The following ROBO1 variants were observed in gnomAD, a reference collection of about 807,000 sequenced individuals.
The protein encoded by ROBO1 is roundabout homolog 1.
In ROBO1, 149 loss-of-function variants were observed where a neutral mutation model predicts 195.9. The ratio of observed to expected loss-of-function variants is 0.76; its 90% CI spans 0.67 to 0.87. The LOEUF is 0.87. ROBO1 is among the 40% of genes least tolerant of loss of function. The pLI is 0.00. For missense variants in ROBO1, 1,933 were observed against 2,068.3 expected (o/e 0.93, Z 1.27); for synonymous variants, 816 against 733.2 (o/e 1.11, Z -1.82).
At chr3:79,467,683 A>G (rs751084562) in intron 2 of ROBO1, among the ~76,000 whole-genome samples, 3 of 152,024 alleles carry the variant, frequency 2.0e-5, no homozygotes, top group East Asian at 2.0e-4. Context: ...CACATTTACC[A>G]TCCTTCCATT....
intron 2 of ROBO1, among the ~76,000 whole-genome samples, chr3:79,369,301 C>T (rs2036100007): frequency 1.3e-5 from 2 of 152,138 alleles, no homozygotes. Flanking sequence ...TAAATCCCTC[C>T]TGTGGAAAAA....
At chr3:79,679,930 A>T (rs143515847) in intron 1 of ROBO1, among the ~76,000 whole-genome samples, 26 of 152,168 alleles carry the variant, frequency 1.7e-4, no homozygotes, top group African/African-American at 5.5e-4. Flanking sequence ...ATGACATGGG[A>T]TCTGAAGCAC....
chr3:78,625,889 T>C (rs3773205), intron 26 of ROBO1, among the ~76,000 whole-genome samples: 5,963 of 151,774 alleles, frequency 0.039, 126 homozygotes, highest in South Asian at 0.054. Context: ...GGAGAGAGCA[T>C]GGAGCCAGAA....
At chr3:78,972,872 G>C (rs1235950946) in intron 3 of ROBO1, among the ~76,000 whole-genome samples, 1 of 152,096 alleles carries the variant, frequency 6.6e-6, no homozygotes, top group Non-Finnish European at 1.5e-5. Flanking sequence ...ATCCTTCCTG[G>C]GATTTTCCTA....
rs71127370 is a variant in ROBO1 at position 78,963,090 on chromosome 3, GAT to G, written c.173-24165_173-24164del. 3.7e-3 allele frequency among the ~76,000 whole-genome samples: 535 copies of G among 145,144 alleles called. 4 individuals are homozygous for G. The highest frequency in any genetic ancestry group is 6.1e-3 in the African/African-American group (245 of 39,868). ...ATTGGATACATGTGATCTCATACTT[GAT>G]ATATATATATATATATATTACCTTG... is the stretch of plus-strand genomic sequence containing the variant. On this transcript the variant is annotated intron_variant, in intron 3 of 30. Coordinates refer to ENST00000464233, the MANE Select transcript of ROBO1 (RefSeq NM_002941.4).
At chr3:78,884,541 A>AAAAGAAAGAAAG (rs755335627) in intron 4 of ROBO1, among the ~76,000 whole-genome samples, 1 of 151,408 alleles carries the variant, frequency 6.6e-6, no homozygotes, top group African/African-American at 2.4e-5. Context: ...TGCCCCTCAA[A>AAAAGAAAGAAAG]AAAGAAAGAA....
At chr3:79,022,341 A>G (rs1387229706) in intron 3 of ROBO1, among the ~76,000 whole-genome samples, 1 of 152,184 alleles carries the variant, frequency 6.6e-6, no homozygotes, top group Admixed American at 6.5e-5. Flanking sequence ...TAGAACTCCT[A>G]CTATGGGAAG....
At chr3:78,735,002 A>C (rs2082362503) in intron 5 of ROBO1, among the ~76,000 whole-genome samples, 1 of 152,330 alleles carries the variant, frequency 6.6e-6, no homozygotes, top group South Asian at 2.1e-4. Flanking sequence ...ATTATACATT[A>C]TAAAGCCCAT....
At chr3:78,767,932 T>C (rs1213754251) in intron 4 of ROBO1, among the ~76,000 whole-genome samples, 1 of 152,194 alleles carries the variant, frequency 6.6e-6, no homozygotes, top group Non-Finnish European at 1.5e-5. Context: ...TTAGTTCTGC[T>C]ATAATCTTGG....
chr3:79,277,650 G>C (rs1425156218), intron 2 of ROBO1, among the ~76,000 whole-genome samples: 3 of 151,836 alleles, frequency 2.0e-5, no homozygotes, highest in Non-Finnish European at 4.4e-5. Flanking sequence ...ACAAAGAAAG[G>C]AAAATGCTTG....
chr3:79,043,415 T>C (rs1394076941), intron 3 of ROBO1, among the ~76,000 whole-genome samples: 1 of 152,072 alleles, frequency 6.6e-6, no homozygotes, highest in Non-Finnish European at 1.5e-5. Context: ...TCCATCTGTT[T>C]ATTGAAACAA....
chr3:79,306,338 A>G (rs2033216450), intron 2 of ROBO1, among the ~76,000 whole-genome samples: 2 of 152,220 alleles, frequency 1.3e-5, no homozygotes, highest in African/African-American at 4.8e-5. Context: ...TTAGATTTCA[A>G]TCTCCAAGAA....
chr3:78,922,318 T>C (rs1031521322), intron 4 of ROBO1, among the ~76,000 whole-genome samples: 6 of 151,940 alleles, frequency 3.9e-5, no homozygotes, highest in Admixed American at 3.9e-4. Flanking sequence ...ACAGGCTTCA[T>C]TTCTGCCAAA....
chr3:79,595,688 A>G (rs1250784663), intron 1 of ROBO1, among the ~76,000 whole-genome samples: 2 of 150,462 alleles, frequency 1.3e-5, no homozygotes, highest in East Asian at 2.0e-4. Flanking sequence ...ACAGGTGTGC[A>G]CCACCACACT....
At chr3:79,356,803 T>A (rs2035571256) in intron 2 of ROBO1, among the ~76,000 whole-genome samples, 1 of 152,196 alleles carries the variant, frequency 6.6e-6, no homozygotes, top group South Asian at 2.1e-4. Context: ...TGAAAGACAT[T>A]CGCAGGGCAT....
chr3:78,656,994 C>A (rs879208794), intron 18 of ROBO1, 104 bp downstream of exon 18: 1 of 1,061,060 alleles, frequency 9.4e-7, no homozygotes, highest in Non-Finnish European at 1.3e-6. Context: ...ATTCCATATT[C>A]TATTAAATTA....
intron 2 of ROBO1, among the ~76,000 whole-genome samples, chr3:79,536,434 T>C (rs1941866268): frequency 6.6e-6 from 1 of 151,994 alleles, no homozygotes; most frequent in Admixed American, 6.6e-5. Flanking sequence ...GTCAATAGAT[T>C]GATAATTTCT....
intron 2 of ROBO1, among the ~76,000 whole-genome samples, chr3:79,384,468 G>A (rs908534987): frequency 6.6e-6 from 1 of 151,784 alleles, no homozygotes; most frequent in Non-Finnish European, 1.5e-5. Context: ...ATGGATTAAA[G>A]AATAACTATA....
chr3:79,603,938 G>T (rs933104699), intron 1 of ROBO1, among the ~76,000 whole-genome samples: 1 of 151,972 alleles, frequency 6.6e-6, no homozygotes, highest in Non-Finnish European at 1.5e-5. Flanking sequence ...GTTACCAAAG[G>T]ATGATCAGAA....
Sources: allele counts gnomAD v4.1 joint callset (sites outside exome capture counted in the v4.1 genomes callset), GRCh38; gene constraint gnomAD v4.1.1; transcripts MANE v1.5; gene names NCBI Gene and HGNC (gene_info 2026-07-23, HGNC 2026-07-21).